Variants in CREB5 observed in about 807,000 individuals in gnomAD.
CREB5 encodes the protein cyclic AMP-responsive element-binding protein 5.
Under a neutral mutation model 57.1 loss-of-function variants are expected in CREB5, and 19 were observed. That is an observed-to-expected ratio of 0.33 (90% confidence interval 0.23 to 0.49). The LOEUF is 0.49. CREB5 is among the 20% of genes least tolerant of loss of function. The pLI is 0.99. For missense variants in CREB5, 579 were observed against 671.6 expected, an observed-to-expected ratio of 0.86 and a Z score of 1.52; for synonymous variants, 238 against 238.3, an observed-to-expected ratio of 1.00 and a Z score of 0.01.
chr7:28,728,867 C>T (rs886141919), intron 7 of CREB5, among the ~76,000 whole-genome samples: 1 of 152,094 alleles, frequency 6.6e-6, no homozygotes, highest in Non-Finnish European at 1.5e-5. Flanking sequence ...GAGTAGTTGA[C>T]TTCATTTGAT....
At chr7:28,755,536 A>G (rs906878139) in intron 7 of CREB5, among the ~76,000 whole-genome samples, 2 of 152,234 alleles carry the variant, frequency 1.3e-5, no homozygotes, top group Non-Finnish European at 2.9e-5. Flanking sequence ...TCTTTTAGGC[A>G]ATAGTGAGTC....
intron 7 of CREB5, among the ~76,000 whole-genome samples, chr7:28,793,728 C>A (rs1165502663): frequency 6.6e-6 from 1 of 152,246 alleles, no homozygotes; most frequent in Non-Finnish European, 1.5e-5. Flanking sequence ...CCCGCCCAAG[C>A]AGCACACTGC....
At chr7:28,394,772 T>G (rs1482521166) in intron 1 of CREB5, among the ~76,000 whole-genome samples, 3 of 152,232 alleles carry the variant, frequency 2.0e-5, no homozygotes, top group African/African-American at 7.2e-5. Context: ...TCACCAAGAA[T>G]AGAACAATGT....
At chr7:28,587,407 C>A (rs1796342506) in intron 5 of CREB5, among the ~76,000 whole-genome samples, 2 of 152,218 alleles carry the variant, frequency 1.3e-5, no homozygotes, top group African/African-American at 2.4e-5. Flanking sequence ...CTCACCTCAC[C>A]ATTGATGCTG....
At chr7:28,371,168 C>A (rs1786697599) in intron 1 of CREB5, among the ~76,000 whole-genome samples, 1 of 152,082 alleles carries the variant, frequency 6.6e-6, no homozygotes, top group Admixed American at 6.6e-5. Flanking sequence ...AGAGACCGGG[C>A]AGCAGCAGAA....
chr7:28,692,807 G>A (rs1484571794), intron 5 of CREB5, among the ~76,000 whole-genome samples: 1 of 152,156 alleles, frequency 6.6e-6, no homozygotes, highest in East Asian at 1.9e-4. Context: ...TAAGAGGCAT[G>A]CATTTCATGA....
rs150471125 is a variant in CREB5 at position 28,524,860 on chromosome 7, A to G, written c.291+17123A>G. Among the ~76,000 whole-genome samples the G allele has an allele frequency of 3.8e-3, 581 of 152,332 alleles. 2 individuals are homozygous for G. The highest frequency in any genetic ancestry group is 6.4e-3 in the Non-Finnish European group (434 of 68,026). ...ATTTCAAATCTTCCAACTATTTTGA[A>G]ATATACAATATATTGTTGTTAACTA... On this transcript the variant is annotated intron_variant, in intron 4 of 10. Coordinates refer to ENST00000357727, the MANE Select transcript of CREB5 (RefSeq NM_182898.4).
chr7:28,418,647 G>T (rs998474132), intron 1 of CREB5, among the ~76,000 whole-genome samples: 4 of 152,158 alleles, frequency 2.6e-5, no homozygotes, highest in Admixed American at 1.3e-4. Context: ...ACATTTTGTG[G>T]TGATATTTGT....
At chr7:28,560,831 C>CGTGTGTGTGTGTGTGT (rs1562797049) in intron 4 of CREB5, among the ~76,000 whole-genome samples, 1 of 58,896 alleles carries the variant, frequency 1.7e-5, no homozygotes, top group East Asian at 5.5e-4. Context: ...TGCGCGCGCG[C>CGTGTGTGTGTGTGTGT]GCGTGTGTGT....
chr7:28,712,505 CAA>C (rs1276322556), intron 5 of CREB5, among the ~76,000 whole-genome samples: 1 of 73,278 alleles, frequency 1.4e-5, no homozygotes. Context: ...TGAAACTCCT[CAA>C]AAAAAAAAAA....
At chr7:28,457,832 C>G (rs555344748) in intron 1 of CREB5, among the ~76,000 whole-genome samples, 55 of 152,124 alleles carry the variant, frequency 3.6e-4, no homozygotes, top group Admixed American at 1.2e-3. Flanking sequence ...AAGGTTTAAC[C>G]TGGAGCCTAT....
rs1554344373 is a variant in CREB5, at chr7:28,560,881, T to TGCGTGCGCGCGTGCGTGTGCGC, written c.292-9477_292-9476insCGCGTGCGTGTGCGCGCGTGCG. On this transcript the variant is annotated intron_variant, in intron 4 of 10. Coordinates refer to ENST00000357727, the MANE Select transcript of CREB5 (RefSeq NM_182898.4). ...GTGCGTGTGCCTGCGTGCGCGTGCG[T>TGCGTGCGCGCGTGCGTGTGCGC]GCGTGCGTGTGTGTGCGTGCGCGCG... 3.2e-3 allele frequency among the ~76,000 whole-genome samples: 146 copies of TGCGTGCGCGCGTGCGTGTGCGC among 46,234 alleles called. 8 individuals are homozygous for TGCGTGCGCGCGTGCGTGTGCGC. Among genetic ancestry groups the TGCGTGCGCGCGTGCGTGTGCGC allele is most frequent in the African/African-American group, 0.014 (132 of 9,356 alleles). 30.3% of individuals were successfully genotyped at this position (46,234 alleles called of 152,430 possible). A position where few individuals can be genotyped will look rare whatever the true frequency, so the allele number is the denominator to read the frequency against.
At chr7:28,509,864 C>T (rs556675156) in intron 4 of CREB5, among the ~76,000 whole-genome samples, 2 of 152,282 alleles carry the variant, frequency 1.3e-5, no homozygotes, top group South Asian at 4.1e-4. Context: ...CATCTCAGGA[C>T]ACCGCCGTCT....
intron 1 of CREB5, among the ~76,000 whole-genome samples, chr7:28,476,221 G>A (rs1791063669): frequency 6.6e-6 from 1 of 152,100 alleles, no homozygotes; most frequent in South Asian, 2.1e-4. Context: ...TGGCAGATCA[G>A]GATTTGCTTG....
chr7:28,306,555 G>GTTTTTTTTTTTTTTT (rs869277871), intron 1 of CREB5, among the ~76,000 whole-genome samples: 56 of 58,088 alleles, frequency 9.6e-4, no homozygotes, highest in South Asian at 1.5e-3. Context: ...TGTTTTTTTT[G>GTTTTTTTTTTTTTTT]TTTTTTTTTT....
At chr7:28,453,958 C>CTTTTTTTTTTTTTTTTT (rs70977045) in intron 1 of CREB5, among the ~76,000 whole-genome samples, 1 of 132,574 alleles carries the variant, frequency 7.5e-6, no homozygotes. Context: ...CTCTCCAATT[C>CTTTTTTTTTTTTTTTTT]TTTTTTTTTT....
At chr7:28,531,602 G>C (rs1456475308) in intron 4 of CREB5, among the ~76,000 whole-genome samples, 3 of 152,186 alleles carry the variant, frequency 2.0e-5, no homozygotes, top group African/African-American at 7.2e-5. Context: ...CTGGGGATTA[G>C]AACATCAATA....
chr7:28,356,953 A>T (rs764839089), intron 1 of CREB5, among the ~76,000 whole-genome samples: 12 of 152,218 alleles, frequency 7.9e-5, no homozygotes, highest in Non-Finnish European at 1.6e-4. Context: ...GACACTGGGA[A>T]ACAACCAGCA....
At chr7:28,388,081 G>A (rs1172145188) in intron 1 of CREB5, among the ~76,000 whole-genome samples, 1 of 152,132 alleles carries the variant, frequency 6.6e-6, no homozygotes, top group South Asian at 2.1e-4. Flanking sequence ...AATCCTGCAA[G>A]ACCTGAGTTG....
Sources: gnomAD v4.1 joint callset for allele counts (sites outside exome capture counted in the v4.1 genomes callset) on GRCh38, gnomAD v4.1.1 for gene constraint, MANE v1.5 for transcripts, NCBI Gene and HGNC (gene_info 2026-07-23, HGNC 2026-07-21) for gene names.